The following PLXNA2 variants were observed in gnomAD, a reference collection of about 807,000 sequenced individuals.
The protein encoded by PLXNA2 is plexin A2, also known as plexin-A2.
A neutral mutation model predicts 193.5 loss-of-function variants in PLXNA2; 91 were observed. The observed-to-expected ratio is 0.47, with a 90% CI of 0.40 to 0.56. The LOEUF (loss-of-function observed/expected upper bound fraction) is 0.56. PLXNA2 is among the 20% of genes least tolerant of loss of function. The pLI is 0.00. For synonymous variants in PLXNA2, 997 were observed against 1,027.3 expected, an observed-to-expected ratio of 0.97 and a Z score of 0.56; for missense variants, 1,995 against 2,503.2, an observed-to-expected ratio of 0.80 and a Z score of 4.33.
Position 208,028,252 on chromosome 1 carries a change from A to G in PLXNA2, c.5439-93T>C, listed in dbSNP as rs1664399065. 6.7e-6 allele frequency: 8 copies of G among 1,202,406 alleles called. No homozygotes were observed. The highest frequency in any genetic ancestry group is 9.2e-6 in the Non-Finnish European group (8 of 865,538). 74.5% of individuals were successfully genotyped at this position (1,202,406 alleles called of 1,614,324 possible). On this transcript the variant is annotated intron_variant, in intron 30 of 31. Transcript: ENST00000367033. The surrounding 1 kb of genome is among the most constrained non-coding windows in gnomAD (Gnocchi z 4.2). ...CCAGGTCCTTCGAGGGCACTGATGT[A>G]CCCAGTTGCTCCTGCCTCCCTATTT...
chr1:208,169,503 G>A (rs988232890), intron 3 of PLXNA2, among the ~76,000 whole-genome samples: 1 of 152,246 alleles, frequency 6.6e-6, no homozygotes, highest in East Asian at 1.9e-4. Flanking sequence ...TATTTTGGGT[G>A]TACGTGGCCC....
chr1:208,151,088 A>G (rs1668750169), intron 3 of PLXNA2, among the ~76,000 whole-genome samples: 1 of 152,262 alleles, frequency 6.6e-6, no homozygotes, highest in African/African-American at 2.4e-5. Context: ...CTGGGAAACA[A>G]TAAGATAAAC....
At position 208,082,955 on chromosome 1, in the gene PLXNA2, C is replaced by T. The variant is rs1666394172; in HGVS notation, c.2299-447G>A. Among the ~76,000 whole-genome samples the T allele has an allele frequency of 6.6e-6, 1 of 152,186 alleles. No individual in the cohort carries two copies. Among genetic ancestry groups the T allele is most frequent in the Non-Finnish European group, 1.5e-5 (1 of 68,032 alleles). ...AACTGTCCATCCCCTGGTGTTGCCA[C>T]TTTCTGTCTTGCACTGGCACTTTCC... On this transcript the variant is annotated intron_variant, in intron 10 of 31. Transcript: ENST00000367033. This position sits in a 1 kb window ranked among gnomAD's most constrained non-coding sequence, Gnocchi z 4.2.
intron 12 of PLXNA2, among the ~76,000 whole-genome samples, chr1:208,068,316 T>C (rs2102362552): frequency 6.6e-6 from 1 of 152,326 alleles, no homozygotes; most frequent in South Asian, 2.1e-4. Flanking sequence ...GAGAGTGATG[T>C]AGTATTTTAA....
At chr1:208,101,568 T>C (rs1667097209) in intron 5 of PLXNA2, among the ~76,000 whole-genome samples, 1 of 152,210 alleles carries the variant, frequency 6.6e-6, no homozygotes, top group Non-Finnish European at 1.5e-5. Context: ...ACTATTCTGA[T>C]GTGGCTAATT....
intron 29 of PLXNA2, chr1:208,030,525 C>G: frequency 1.0e-6 from 1 of 985,436 alleles, no homozygotes; most frequent in Non-Finnish European, 1.2e-6. Flanking sequence ...GCCACCCCAG[C>G]CTGTTCGTTT....
chr1:208,125,473 T>G (rs1299195561), intron 4 of PLXNA2, among the ~76,000 whole-genome samples: 1 of 152,138 alleles, frequency 6.6e-6, no homozygotes, highest in African/African-American at 2.4e-5. Context: ...GGCAAACAAA[T>G]AAGTGATCCC....
rs1233456325 is a variant in PLXNA2, at chr1:208,200,439, C to G, written c.1371+9841G>C. ...TGACTTAGGTATATGCTGGGCCCATCTCCACCCTGAAGTATTTGTCGTTCT... is the reference window on the plus strand; with the variant it reads ...TGACTTAGGTATATGCTGGGCCCATGTCCACCCTGAAGTATTTGTCGTTCT... On this transcript the variant is annotated intron_variant, in intron 3 of 31. Transcript: ENST00000367033. Among the ~76,000 whole-genome samples the G allele has an allele frequency of 2.0e-5, 3 of 152,324 alleles. No individual in the cohort carries two copies. In the East Asian group the frequency reaches 5.8e-4, roughly 29 times the overall value.
At chr1:208,169,008 G>T (rs943155100) in intron 3 of PLXNA2, among the ~76,000 whole-genome samples, 4 of 151,956 alleles carry the variant, frequency 2.6e-5, no homozygotes, top group African/African-American at 9.7e-5. Context: ...TTTCTATAAG[G>T]CCAAGCTGAT....
At chr1:208,063,742 C>A (rs1226163830) in intron 12 of PLXNA2, among the ~76,000 whole-genome samples, 1 of 152,146 alleles carries the variant, frequency 6.6e-6, no homozygotes, top group Non-Finnish European at 1.5e-5. Context: ...GGAGACACAG[C>A]TTATAGCTTC....
chr1:208,119,227 G>A (rs900510272), intron 4 of PLXNA2, among the ~76,000 whole-genome samples: 2 of 152,172 alleles, frequency 1.3e-5, no homozygotes, highest in African/African-American at 4.8e-5. Flanking sequence ...GTCAGCCAGG[G>A]GCTTGGGGTT....
chr1:208,034,495 T>G lies in PLXNA2; in HGVS notation c.4862A>C (p.Tyr1621Ser). ...ASISRTSISR[Y>S]DSSFRYTGSP... ...CAGTCTGCCCTCGTGGTTCTCACCGTATCTGCTGATGGACGTCCGGGAGAT... is the reference window on the plus strand; with the variant it reads ...CAGTCTGCCCTCGTGGTTCTCACCGGATCTGCTGATGGACGTCCGGGAGAT... The change falls in exon 27 of 32, where the codon TAC becomes TCC. Residue 1621 changes from tyrosine (Y) to serine (S), a missense_variant and splice_region_variant. Transcript: ENST00000367033. The G allele has an allele frequency of 6.2e-7, 1 of 1,609,494 alleles. No homozygotes were observed. Among genetic ancestry groups the G allele is most frequent in the Non-Finnish European group, 8.5e-7 (1 of 1,175,770 alleles).
At chr1:208,061,421 G>T (rs1665616601) in intron 12 of PLXNA2, among the ~76,000 whole-genome samples, 1 of 152,154 alleles carries the variant, frequency 6.6e-6, no homozygotes, top group African/African-American at 2.4e-5. Flanking sequence ...GATAAAGGCA[G>T]TTCATGAATA....
In PLXNA2 at chr1:208,244,304, TGGC is replaced by T. The variant is rs750500251; in HGVS notation, c.-745_-743del. On this transcript the variant is annotated 5_prime_UTR_variant, in exon 1 of 32. Transcript: ENST00000367033. The stretch of plus-strand genomic sequence containing the variant: ...CTCCCGGCAGCTCTGGCTCCCGCGG[TGGC>T]GGCGGCGGCGGCGGCGGCGGCGGCG... 1.5e-3 allele frequency: 282 copies of T among 194,308 alleles called. 1 individual carries two copies. Among genetic ancestry groups the T allele is most frequent in the African/African-American group, 2.4e-3 (102 of 41,746 alleles). The allele number at this position is 194,308 out of a possible 1,614,324, so 12.0% of individuals were successfully genotyped here. A position where few individuals can be genotyped will look rare whatever the true frequency, so the allele number is the denominator to read the frequency against.
At chr1:208,076,380 C>T (rs1666149538) in intron 12 of PLXNA2, among the ~76,000 whole-genome samples, 1 of 152,058 alleles carries the variant, frequency 6.6e-6, no homozygotes, top group Non-Finnish European at 1.5e-5. Flanking sequence ...GCAGCTGTCC[C>T]CCCATTATTT....
chr1:208,207,654 G>A (rs934386172), intron 3 of PLXNA2, among the ~76,000 whole-genome samples: 1 of 151,930 alleles, frequency 6.6e-6, no homozygotes, highest in Non-Finnish European at 1.5e-5. Context: ...TTTCCTTCCT[G>A]TGTTGAAAGA....
intron 4 of PLXNA2, among the ~76,000 whole-genome samples, chr1:208,114,235 G>C (rs1328201576): frequency 6.6e-6 from 1 of 152,174 alleles, no homozygotes; most frequent in African/African-American, 2.4e-5. Context: ...TGTGGTTATT[G>C]ATAATACGTG....
chr1:208,029,307 C>T (rs1055282248), intron 29 of PLXNA2: 1 of 1,277,760 alleles, frequency 7.8e-7, no homozygotes, highest in Non-Finnish European at 1.0e-6. Flanking sequence ...GTGTTCTGTT[C>T]CCTTCTGGGA....
intron 3 of PLXNA2, among the ~76,000 whole-genome samples, chr1:208,187,883 C>T (rs1170677079): frequency 2.0e-5 from 3 of 152,188 alleles, no homozygotes; most frequent in Non-Finnish European, 2.9e-5. Flanking sequence ...GTTGCTTTCA[C>T]ACGTATCATC....
Sources: allele counts gnomAD v4.1 joint callset (sites outside exome capture counted in the v4.1 genomes callset), GRCh38; gene constraint gnomAD v4.1.1; non-coding constraint Gnocchi (gnomAD v3.1); transcripts MANE v1.5; gene names NCBI Gene and HGNC (gene_info 2026-07-23, HGNC 2026-07-21).